The following RELN variants were observed in gnomAD, a reference collection of about 807,000 sequenced individuals.
RELN encodes reelin.
A neutral mutation model predicts 427.6 loss-of-function variants in RELN; 108 were observed. The ratio of observed to expected loss-of-function variants is 0.25; its 90% CI spans 0.22 to 0.30. The LOEUF (loss-of-function observed/expected upper bound fraction) is 0.30. Among genes scored for constraint, RELN ranks in the 10% least tolerant of loss-of-function variants. The pLI is 1.00. For synonymous variants in RELN, 1,524 were observed against 1,513.4 expected, an observed-to-expected ratio of 1.01 and a Z score of -0.16; for missense variants, 3,715 against 4,302.8, an observed-to-expected ratio of 0.86 and a Z score of 3.82.
At chr7:103,809,008 C>T (rs1792669452) in intron 3 of RELN, among the ~76,000 whole-genome samples, 1 of 152,088 alleles carries the variant, frequency 6.6e-6, no homozygotes, top group African/African-American at 2.4e-5. Flanking sequence ...TTCCAGGTTC[C>T]TGAGATCAAA....
intron 48 of RELN, among the ~76,000 whole-genome samples, chr7:103,520,095 G>A (rs1458238069): frequency 6.6e-6 from 1 of 151,182 alleles, no homozygotes; most frequent in African/African-American, 2.4e-5. Flanking sequence ...GGCCAAGGTT[G>A]AGTATCGCAG....
At position 103,682,111 on chromosome 7, in the gene RELN, C is replaced by G. The variant is rs1359122674; in HGVS notation, c.1289+5G>C. ...TACACAGCATGGGAGATAGCAATTA[C>G]TTACCCTGTAGGCTGGCTCTCAAAT... On this transcript the variant is annotated splice_donor_5th_base_variant and intron_variant, in intron 11 of 64. Coordinates refer to ENST00000428762, the MANE Select transcript of RELN (RefSeq NM_005045.4). 5 of 1,613,614 alleles carry G rather than the reference C, an allele frequency of 3.1e-6. No individual in the cohort carries two copies. The highest frequency in any genetic ancestry group is 1.1e-5 in the South Asian group (1 of 91,080).
At chr7:103,926,683 C>T (rs1443341652) in intron 1 of RELN, among the ~76,000 whole-genome samples, 5 of 124,274 alleles carry the variant, frequency 4.0e-5, no homozygotes, top group African/African-American at 1.2e-4. Context: ...CTCCCTCTGT[C>T]GCCCAGGCTA....
At chr7:103,757,516 C>G (rs1584469158) in intron 4 of RELN, among the ~76,000 whole-genome samples, 1 of 152,106 alleles carries the variant, frequency 6.6e-6, no homozygotes, top group Non-Finnish European at 1.5e-5. Flanking sequence ...CTAGCAACGA[C>G]ATAAAATTGT....
chr7:103,627,623 G>C (rs935049571), intron 20 of RELN, among the ~76,000 whole-genome samples: 1 of 152,152 alleles, frequency 6.6e-6, no homozygotes, highest in African/African-American at 2.4e-5. Context: ...ACTCTCTGTT[G>C]TTTCATAACC....
intron 46 of RELN, among the ~76,000 whole-genome samples, chr7:103,530,456 C>T (rs1829914616): frequency 6.6e-6 from 1 of 152,160 alleles, no homozygotes. Flanking sequence ...ACCTTTGCAC[C>T]CTCCTCTTAT....
chr7:103,882,196 C>T (rs1244340029), intron 2 of RELN, among the ~76,000 whole-genome samples: 1 of 152,148 alleles, frequency 6.6e-6, no homozygotes, highest in Non-Finnish European at 1.5e-5. Flanking sequence ...AGCAACTTTC[C>T]AATCTAAATC....
chr7:103,936,378 C>T (rs1228886801), intron 1 of RELN, among the ~76,000 whole-genome samples: 1 of 152,158 alleles, frequency 6.6e-6, no homozygotes, highest in African/African-American at 2.4e-5. Context: ...CAGGTGTGAG[C>T]CACTGCACCT....
rs150739675 is a variant in RELN, at chr7:103,947,374, G to A, written c.227-30189C>T. Among the ~76,000 whole-genome samples, 26 of 152,250 alleles carry A rather than the reference G, an allele frequency of 1.7e-4. No homozygotes were observed. The East Asian group carries it at 1.7e-3, about 10-fold the overall frequency. ...ATAGGGTCTTTACAGAGGTAAACACGTTAAAGTGAGATCATTAGGGTGGAT... is the reference window on the plus strand; with the variant it reads ...ATAGGGTCTTTACAGAGGTAAACACATTAAAGTGAGATCATTAGGGTGGAT... On this transcript the variant is annotated intron_variant, in intron 1 of 64. Transcript: ENST00000428762.
At chr7:103,673,567 C>T (rs1248385653) in intron 11 of RELN, among the ~76,000 whole-genome samples, 1 of 152,136 alleles carries the variant, frequency 6.6e-6, no homozygotes. Context: ...TTGAATATCT[C>T]ATCTTCCTCT....
chr7:103,670,687 A>T (rs1833372410), intron 11 of RELN, among the ~76,000 whole-genome samples: 1 of 152,008 alleles, frequency 6.6e-6, no homozygotes, highest in African/African-American at 2.4e-5. Flanking sequence ...TCCAGGAAAA[A>T]GTCAGGCATT....
At chr7:103,520,986 T>TTTTTTTTTA in intron 48 of RELN, among the ~76,000 whole-genome samples, 1 of 138,672 alleles carries the variant, frequency 7.2e-6, no homozygotes, top group Non-Finnish European at 1.6e-5. Flanking sequence ...TTTTTTTTTT[T>TTTTTTTTTA]TGAGACGGAG....
At position 103,682,109 on chromosome 7, in the gene RELN, T is replaced by C; in HGVS notation, c.1289+7A>G. 6.2e-7 allele frequency: 1 copy of C among 1,613,456 alleles called. No individual in the cohort carries two copies. Among genetic ancestry groups the C allele is most frequent in the Non-Finnish European group, 8.5e-7 (1 of 1,179,452 alleles). On this transcript the variant is annotated splice_region_variant and intron_variant, in intron 11 of 64. Transcript: ENST00000428762. ...CATACACAGCATGGGAGATAGCAAT[T>C]ACTTACCCTGTAGGCTGGCTCTCAA...
At chr7:103,790,152 G>A (rs1369991832) in intron 3 of RELN, among the ~76,000 whole-genome samples, 1 of 152,148 alleles carries the variant, frequency 6.6e-6, no homozygotes, top group African/African-American at 2.4e-5. Flanking sequence ...CATGCCCACA[G>A]GGAGGGGAAC....
chr7:103,979,197 A>C (rs749261490), intron 1 of RELN, among the ~76,000 whole-genome samples: 4 of 152,174 alleles, frequency 2.6e-5, no homozygotes, highest in African/African-American at 9.7e-5. Flanking sequence ...CCTTTTATTT[A>C]ACTTTTACCA....
At chr7:103,572,685 C>T (rs897464427) in intron 30 of RELN, among the ~76,000 whole-genome samples, 47 of 151,642 alleles carry the variant, frequency 3.1e-4, no homozygotes, top group South Asian at 2.1e-4. Flanking sequence ...TACAGGTGCC[C>T]GCCACCACGC....
intron 56 of RELN, 103 bp from the exon 57 acceptor site, chr7:103,496,001 T>G (rs1828829860): frequency 5.7e-6 from 7 of 1,234,222 alleles, no homozygotes; most frequent in Non-Finnish European, 8.2e-6. Flanking sequence ...TATTGTTGAA[T>G]TCCTTAAATT....
At chr7:103,627,524 G>T (rs527474597) in intron 20 of RELN, among the ~76,000 whole-genome samples, 7 of 152,004 alleles carry the variant, frequency 4.6e-5, no homozygotes, top group African/African-American at 1.7e-4. Flanking sequence ...CTTCCATGTT[G>T]TTTCACTTTA....
intron 2 of RELN, among the ~76,000 whole-genome samples, chr7:103,894,479 AAGC>A (rs1199722314): frequency 6.6e-6 from 1 of 152,146 alleles, no homozygotes; most frequent in Non-Finnish European, 1.5e-5. Context: ...AAAAAGTTGA[AAGC>A]AGATTTAAAA....
Sources: allele counts gnomAD v4.1 joint callset (sites outside exome capture counted in the v4.1 genomes callset), GRCh38; gene constraint gnomAD v4.1.1; transcripts MANE v1.5; gene names NCBI Gene and HGNC (gene_info 2026-07-23, HGNC 2026-07-21).